Variants in MEIS2 observed in about 807,000 individuals in gnomAD.
The protein encoded by MEIS2 is homeobox protein Meis2.
MEIS2 carries 9 observed loss-of-function variants against 58.6 expected under a neutral mutation model. That is an observed-to-expected ratio of 0.15 (90% CI 0.09 to 0.27). MEIS2 has a LOEUF of 0.27. Ranked by LOEUF, MEIS2 falls within the 10% of genes least tolerant of loss-of-function variation. The probability of loss-of-function intolerance (pLI) is 1.00; values close to 1 mark genes in which losing one functional copy is unlikely to be tolerated. For missense variants in MEIS2, 427 were observed against 635.0 expected, an observed-to-expected ratio of 0.67 and a Z score of 3.52; for synonymous variants, 221 against 228.4, an observed-to-expected ratio of 0.97 and a Z score of 0.29.
chr15:36,940,376 T>A (rs910732984), intron 9 of MEIS2, among the ~76,000 whole-genome samples: 10 of 152,110 alleles, frequency 6.6e-5, no homozygotes, highest in African/African-American at 2.4e-4. Context: ...ATTTGTAATG[T>A]GTAGAAGGGA....
intron 8 of MEIS2, among the ~76,000 whole-genome samples, chr15:36,967,533 A>T (rs1300640983): frequency 6.6e-6 from 1 of 152,204 alleles, no homozygotes; most frequent in East Asian, 1.9e-4. Context: ...CCTAGCAAGT[A>T]CACAAGACAT....
chr15:36,976,716 T>C (rs1325267057), intron 8 of MEIS2, among the ~76,000 whole-genome samples: 1 of 152,104 alleles, frequency 6.6e-6, no homozygotes, highest in Non-Finnish European at 1.5e-5. Context: ...ATCATTTTTG[T>C]TTGTTTTCTA....
chr15:37,007,554 T>C (rs1038187523), intron 8 of MEIS2, among the ~76,000 whole-genome samples: 1 of 152,176 alleles, frequency 6.6e-6, no homozygotes, highest in African/African-American at 2.4e-5. Context: ...ACTGAACCAC[T>C]GACTCTTGGA....
chr15:36,971,661 T>TCC (rs1184667153), intron 8 of MEIS2, among the ~76,000 whole-genome samples: 1 of 151,554 alleles, frequency 6.6e-6, no homozygotes, highest in Non-Finnish European at 1.5e-5. Context: ...TTTTAAGTTT[T>TCC]CCCTGAGGGG....
rs2055784075 is a variant in MEIS2 at position 36,889,568 on chromosome 15, A to T, written c.*2605T>A. On this transcript the variant is annotated 3_prime_UTR_variant, in exon 12 of 12. Coordinates refer to ENST00000561208, the MANE Select transcript of MEIS2 (RefSeq NM_170675.5). ...GTTTGACGAATAAACTAAGCATGAG[A>T]TGACTTTATTCATTAAAACCAAGAG... is the stretch of plus-strand genomic sequence containing the variant. 6.6e-6 allele frequency: 1 copy of T among 152,208 alleles called. No individual in the cohort carries two copies. The highest frequency in any genetic ancestry group is 2.4e-5 in the African/African-American group (1 of 41,444). The allele number at this position is 152,208 out of a possible 1,614,324, so 9.4% of individuals were successfully genotyped here.
At chr15:37,017,582 A>C (rs1408153226) in intron 8 of MEIS2, among the ~76,000 whole-genome samples, 1 of 152,194 alleles carries the variant, frequency 6.6e-6, no homozygotes, top group Non-Finnish European at 1.5e-5. Flanking sequence ...CAGCCTAGGC[A>C]ACAGAGCAAG....
intron 6 of MEIS2, among the ~76,000 whole-genome samples, chr15:37,089,866 G>A (rs1008999391): frequency 5.9e-5 from 9 of 151,866 alleles, no homozygotes; most frequent in Non-Finnish European, 1.3e-4. Context: ...TATTTTCTTT[G>A]TCTGTACTAG....
At chr15:37,084,333 A>C (rs1892614863) in intron 6 of MEIS2, among the ~76,000 whole-genome samples, 1 of 151,726 alleles carries the variant, frequency 6.6e-6, no homozygotes, top group Non-Finnish European at 1.5e-5. Flanking sequence ...GCAAAATTCA[A>C]TGACTCCATT....
At chr15:36,949,200 G>GA (rs11406464) in intron 9 of MEIS2, among the ~76,000 whole-genome samples, 51,508 of 147,812 alleles carry the variant, frequency 0.35, 9,163 homozygotes, top group African/African-American at 0.43. Context: ...ACTTCCCTGG[G>GA]AAAAAAAAAA....
intron 8 of MEIS2, among the ~76,000 whole-genome samples, chr15:37,023,479 T>C (rs969118904): frequency 1.3e-5 from 2 of 152,232 alleles, no homozygotes; most frequent in Admixed American, 6.5e-5. Flanking sequence ...TTAGTTGTTT[T>C]ATTATTCACA....
intron 8 of MEIS2, among the ~76,000 whole-genome samples, chr15:37,022,618 T>C (rs2061562840): frequency 6.6e-6 from 1 of 152,148 alleles, no homozygotes; most frequent in Non-Finnish European, 1.5e-5. Flanking sequence ...CCTATTCATC[T>C]TTTGACTTTT....
chr15:37,066,362 A>C (rs1889924880), intron 7 of MEIS2: 1 of 152,160 alleles, frequency 6.6e-6, no homozygotes, highest in Admixed American at 6.6e-5. Flanking sequence ...GCCTTAATTA[A>C]ATTTTACATC....
At chr15:36,954,950 C>T (rs2058903309) in intron 8 of MEIS2, among the ~76,000 whole-genome samples, 1 of 152,108 alleles carries the variant, frequency 6.6e-6, no homozygotes, top group Non-Finnish European at 1.5e-5. Flanking sequence ...ATTCATGAAA[C>T]CCTCTAAGTA....
intron 8 of MEIS2, among the ~76,000 whole-genome samples, chr15:37,009,805 T>C (rs2061067881): frequency 6.6e-6 from 1 of 152,142 alleles, no homozygotes; most frequent in African/African-American, 2.4e-5. Context: ...TTGATTTGGG[T>C]ACAAAAAATA....
At chr15:37,043,902 G>A (rs1941301360) in intron 7 of MEIS2, among the ~76,000 whole-genome samples, 1 of 151,970 alleles carries the variant, frequency 6.6e-6, no homozygotes, top group Admixed American at 6.6e-5. Flanking sequence ...TGGCCAGGAT[G>A]GTCTGGATGT....
chr15:36,906,697 A>G (rs2056759892), intron 9 of MEIS2, among the ~76,000 whole-genome samples: 1 of 151,282 alleles, frequency 6.6e-6, no homozygotes, highest in Non-Finnish European at 1.5e-5. Context: ...AGCAAAAGGT[A>G]GGGACTTAAC....
intron 8 of MEIS2, among the ~76,000 whole-genome samples, chr15:37,027,772 T>G (rs948407579): frequency 3.9e-5 from 6 of 152,012 alleles, no homozygotes; most frequent in African/African-American, 1.4e-4. Context: ...TTTTTTTAAG[T>G]AGACTTTATT....
At position 36,950,272 on chromosome 15, in the gene MEIS2, A is replaced by C. The variant is rs1046944046; in HGVS notation, c.977+52T>G. ...AAAAAAAGAGAGAAAACCATTATTTAGAAATCTCATTTTAGCCATGGGAGA... is the reference window on the plus strand; with the variant it reads ...AAAAAAAGAGAGAAAACCATTATTTCGAAATCTCATTTTAGCCATGGGAGA... On this transcript the variant is annotated intron_variant, in intron 9 of 11. Transcript: ENST00000561208. 7 of 1,403,644 alleles carry C rather than the reference A, an allele frequency of 5.0e-6. No homozygotes were observed. In the African/African-American group the frequency reaches 7.3e-5, roughly 15 times the overall value. The allele number at this position is 1,403,644 out of a possible 1,614,324, so 86.9% of individuals were successfully genotyped here.
chr15:37,005,362 G>T (rs1380340435), intron 8 of MEIS2, among the ~76,000 whole-genome samples: 1 of 152,216 alleles, frequency 6.6e-6, no homozygotes, highest in East Asian at 1.9e-4. Flanking sequence ...CAGTTGCTCA[G>T]TTGACTTAAC....
Sources: allele counts gnomAD v4.1 joint callset (sites outside exome capture counted in the v4.1 genomes callset), GRCh38; gene constraint gnomAD v4.1.1; transcripts MANE v1.5; gene names NCBI Gene and HGNC (gene_info 2026-07-23, HGNC 2026-07-21).